The following TENM2 variants were observed in gnomAD, a reference collection of about 807,000 sequenced individuals.
TENM2 encodes the protein teneurin transmembrane protein 2.
TENM2 carries 52 observed loss-of-function variants against 245.2 expected under a neutral mutation model. The observed-to-expected ratio is 0.21, with a 90% CI of 0.17 to 0.27. The LOEUF is 0.27. TENM2 is among the 10% of genes least tolerant of loss of function. TENM2 has a pLI of 1.00. For synonymous variants in TENM2, 1,363 were observed against 1,438.9 expected (o/e 0.95, Z 1.19); for missense variants, 3,046 against 3,666.8 (o/e 0.83, Z 4.37).
intron 12 of TENM2, chr5:168,139,559 G>A (rs899975158): frequency 4.4e-6 from 2 of 456,330 alleles, no homozygotes; most frequent in African/African-American, 2.0e-5. Context: ...GGTTGGGCAG[G>A]CCTTTCCTCT....
the TENM2 span, among the ~76,000 whole-genome samples, chr5:167,050,716 C>T: frequency 6.6e-6 from 1 of 152,150 alleles, no homozygotes; most frequent in Non-Finnish European, 1.5e-5. Context: ...CTCTCTCCGT[C>T]TGTCTGCATA....
At chr5:167,721,218 A>G (rs1214865539) in intron 2 of TENM2, 1 of 152,150 alleles carries the variant, frequency 6.6e-6, no homozygotes, top group Admixed American at 6.5e-5. Flanking sequence ...AGCTACCATT[A>G]TTAAACAGGT....
intron 2 of TENM2, among the ~76,000 whole-genome samples, chr5:167,666,359 T>C (rs1459634970): frequency 6.6e-6 from 1 of 152,202 alleles, no homozygotes; most frequent in Non-Finnish European, 1.5e-5. Flanking sequence ...AGTGCACTCA[T>C]GTTTACTGGC....
intron 5 of TENM2, among the ~76,000 whole-genome samples, chr5:168,039,356 G>C (rs772870584): frequency 2.6e-5 from 4 of 152,066 alleles, no homozygotes; most frequent in Non-Finnish European, 5.9e-5. Flanking sequence ...AACAGTGAAT[G>C]ACAAGCTCGG....
At chr5:167,664,513 C>T (rs1169780685) in intron 2 of TENM2, among the ~76,000 whole-genome samples, 1 of 152,180 alleles carries the variant, frequency 6.6e-6, no homozygotes, top group Non-Finnish European at 1.5e-5. Flanking sequence ...CCCAGATCTT[C>T]TCATCGTCCA....
chr5:167,333,937 A>T (rs1024429111), intron 1 of TENM2, among the ~76,000 whole-genome samples: 1 of 152,164 alleles, frequency 6.6e-6, no homozygotes, highest in African/African-American at 2.4e-5. Flanking sequence ...TAAGTCAGGG[A>T]TATAGATTAC....
chr5:167,298,233 ATTGTGGGGTTGT>A (rs1755076423), intron 1 of TENM2, among the ~76,000 whole-genome samples: 1 of 151,998 alleles, frequency 6.6e-6, no homozygotes, highest in Admixed American at 6.5e-5. Context: ...AAGGGGTGAT[ATTGTGGGGTTGT>A]TAGAAGAAAC....
chr5:167,719,920 GCTGTA>G (rs1433378887), intron 2 of TENM2, among the ~76,000 whole-genome samples: 2 of 152,026 alleles, frequency 1.3e-5, no homozygotes, highest in Non-Finnish European at 2.9e-5. Flanking sequence ...GAGAACCCTT[GCTGTA>G]GAATGGCATA....
the TENM2 span, among the ~76,000 whole-genome samples, chr5:167,192,940 G>A: frequency 6.6e-6 from 1 of 151,960 alleles, no homozygotes; most frequent in Admixed American, 6.6e-5. Flanking sequence ...ATGTAAGGAG[G>A]GAGGCAGCAG....
the TENM2 span, among the ~76,000 whole-genome samples, chr5:167,190,940 G>A: frequency 6.6e-6 from 1 of 151,986 alleles, no homozygotes; most frequent in Non-Finnish European, 1.5e-5. Flanking sequence ...GCATATACAT[G>A]TGTTTAAATG....
At chr5:167,444,294 CACAT>C (rs1169359503) in intron 2 of TENM2, among the ~76,000 whole-genome samples, 10 of 63,372 alleles carry the variant, frequency 1.6e-4, no homozygotes, top group Admixed American at 6.6e-4. Context: ...TGCACACATA[CACAT>C]ACACACACAC....
chr5:167,522,973 C>T (rs1478759236), intron 2 of TENM2, among the ~76,000 whole-genome samples: 1 of 152,022 alleles, frequency 6.6e-6, no homozygotes, highest in Non-Finnish European at 1.5e-5. Context: ...AAGCAAAAAC[C>T]AGGGGAGAAG....
chr5:168,011,765 T>G (rs1785238767), intron 5 of TENM2, among the ~76,000 whole-genome samples: 1 of 152,178 alleles, frequency 6.6e-6, no homozygotes, highest in Admixed American at 6.5e-5. Context: ...AGAGGTATAA[T>G]GAAAAGTACC....
At chr5:168,132,793 C>A (rs1754706428) in intron 12 of TENM2, among the ~76,000 whole-genome samples, 1 of 152,144 alleles carries the variant, frequency 6.6e-6, no homozygotes, top group Non-Finnish European at 1.5e-5. Flanking sequence ...TGCACTTGAG[C>A]TTTTATAGAG....
the TENM2 span, among the ~76,000 whole-genome samples, chr5:167,183,660 T>A: frequency 6.6e-6 from 1 of 152,174 alleles, no homozygotes; most frequent in Non-Finnish European, 1.5e-5. Flanking sequence ...CAGATTATTT[T>A]AAAGATTTTT....
intron 7 of TENM2, among the ~76,000 whole-genome samples, chr5:168,079,729 C>T (rs73371978): frequency 3.3e-5 from 5 of 152,274 alleles, no homozygotes; most frequent in African/African-American, 1.2e-4. Flanking sequence ...TGATGGATTG[C>T]ATTTATTGAT....
intron 3 of TENM2, among the ~76,000 whole-genome samples, chr5:167,895,934 T>C (rs575517828): frequency 9.2e-5 from 14 of 152,382 alleles, no homozygotes; most frequent in African/African-American, 2.9e-4. Flanking sequence ...TCTACTGTTA[T>C]AGACGTTATG....
At chr5:167,045,705 G>A in the TENM2 span, among the ~76,000 whole-genome samples, 2 of 152,164 alleles carry the variant, frequency 1.3e-5, no homozygotes, top group African/African-American at 2.4e-5. Flanking sequence ...CACTCAACTG[G>A]TTTGCATTAA....
chr5:167,840,601 G>A (rs538570515), intron 2 of TENM2, among the ~76,000 whole-genome samples: 3 of 151,986 alleles, frequency 2.0e-5, no homozygotes, highest in African/African-American at 7.2e-5. Context: ...CCGTCTAGAA[G>A]CCTCATTAAA....
Sources: allele counts gnomAD v4.1 joint callset (sites outside exome capture counted in the v4.1 genomes callset), GRCh38; gene constraint gnomAD v4.1.1; transcripts MANE v1.5; gene names NCBI Gene and HGNC (gene_info 2026-07-23, HGNC 2026-07-21).